The following RTL4 variants were observed in gnomAD, a reference collection of about 807,000 sequenced individuals.
The protein encoded by RTL4 is retrotransposon Gag-like protein 4.
A neutral mutation model predicts 5.3 loss-of-function variants in RTL4; 4 were observed. The observed-to-expected ratio is 0.75, with a 90% confidence interval of 0.37 to 1.72. The LOEUF (loss-of-function observed/expected upper bound fraction) is 1.72, where lower values mean the gene tolerates loss of function less well. Ranked by LOEUF, RTL4 falls within the 40% of genes most tolerant of loss-of-function variation. The pLI is 0.04. For synonymous variants in RTL4, 98 were observed against 87.3 expected (o/e 1.12, Z -0.68); for missense variants, 260 against 227.1 (o/e 1.14, Z -0.93).
the RTL4 span, among the ~76,000 whole-genome samples, chrX:112,109,090 T>G: frequency 8.9e-6 from 1 of 112,096 alleles, no homozygotes; most frequent in African/African-American, 3.2e-5. Context: ...CTCTCTTTAA[T>G]GTGTCTTTTC....
chrX:112,191,029 T>C, the RTL4 span, among the ~76,000 whole-genome samples: 1 of 112,567 alleles, frequency 8.9e-6, no homozygotes, highest in Non-Finnish European at 1.9e-5. Flanking sequence ...CCTGGCAAAA[T>C]GCCATAATAC....
chrX:112,241,144 T>C, the RTL4 span, among the ~76,000 whole-genome samples: 1 of 111,552 alleles, frequency 9.0e-6, no homozygotes, highest in African/African-American at 3.3e-5. Context: ...GCATATGTCT[T>C]TATGGTATTT....
the RTL4 span, among the ~76,000 whole-genome samples, chrX:112,242,145 G>A: frequency 9.0e-6 from 1 of 111,670 alleles, no homozygotes; most frequent in East Asian, 2.8e-4. Flanking sequence ...CTCCAGCTTT[G>A]TTCTTTTTGC....
At chrX:112,359,584 G>A in the RTL4 span, among the ~76,000 whole-genome samples, 3 of 111,559 alleles carry the variant, frequency 2.7e-5, no homozygotes, top group Non-Finnish European at 5.7e-5. Flanking sequence ...CAATTAGGAA[G>A]TAGGTAACCT....
chrX:112,179,641 A>G, the RTL4 span, among the ~76,000 whole-genome samples: 4 of 112,430 alleles, frequency 3.6e-5, no homozygotes, highest in African/African-American at 1.3e-4. Context: ...TCATTTATTC[A>G]TCACATTTTT....
At chrX:112,172,552 G>A in the RTL4 span, among the ~76,000 whole-genome samples, 1 of 111,478 alleles carries the variant, frequency 9.0e-6, no homozygotes, top group African/African-American at 3.3e-5. Flanking sequence ...CACTGTCGGT[G>A]GGAATGTAAA....
At chrX:112,376,792 A>C in the RTL4 span, among the ~76,000 whole-genome samples, 1 of 112,211 alleles carries the variant, frequency 8.9e-6, no homozygotes, top group Non-Finnish European at 1.9e-5. Context: ...CATTCCTATC[A>C]AGGAGGATTA....
At chrX:112,182,847 A>G in the RTL4 span, among the ~76,000 whole-genome samples, 4 of 111,696 alleles carry the variant, frequency 3.6e-5, no homozygotes, top group Non-Finnish European at 5.6e-5. Flanking sequence ...AACAGCAACC[A>G]CAAGGCACAT....
the RTL4 span, among the ~76,000 whole-genome samples, chrX:112,364,092 G>C: frequency 8.9e-6 from 1 of 112,212 alleles, no homozygotes; most frequent in African/African-American, 3.2e-5. Context: ...GAATTGAATG[G>C]AATGGGAAGA....
the RTL4 span, among the ~76,000 whole-genome samples, chrX:112,174,776 A>G: frequency 1.0e-5 from 1 of 99,061 alleles, no homozygotes; most frequent in Non-Finnish European, 2.0e-5. Context: ...TTGCCATTCT[A>G]ACTGGTGTGA....
At chrX:112,246,577 G>C in the RTL4 span, among the ~76,000 whole-genome samples, 1 of 111,936 alleles carries the variant, frequency 8.9e-6, no homozygotes, top group African/African-American at 3.2e-5. Flanking sequence ...TGTTGGAAAA[G>C]CACAGTATTT....
the RTL4 span, among the ~76,000 whole-genome samples, chrX:112,382,700 C>T: frequency 8.9e-6 from 1 of 112,018 alleles, no homozygotes; most frequent in Non-Finnish European, 1.9e-5. Flanking sequence ...CAGACAAAAG[C>T]AGTTTTTATA....
chrX:112,110,313 G>T, the RTL4 span, among the ~76,000 whole-genome samples: 1 of 112,043 alleles, frequency 8.9e-6, no homozygotes, highest in African/African-American at 3.2e-5. Context: ...ATTTGGGATT[G>T]TAGAGTAAGA....
the RTL4 span, among the ~76,000 whole-genome samples, chrX:112,228,465 A>T: frequency 8.9e-6 from 1 of 112,742 alleles, no homozygotes; most frequent in East Asian, 2.8e-4. Flanking sequence ...CAGTGTGATT[A>T]TGTGTGAAAT....
At chrX:112,380,092 ACT>A in the RTL4 span, among the ~76,000 whole-genome samples, 1 of 110,316 alleles carries the variant, frequency 9.1e-6, no homozygotes, top group African/African-American at 3.3e-5. Context: ...TAGCCTTTTG[ACT>A]CTCACTTCTT....
At chrX:112,217,039 C>T in the RTL4 span, among the ~76,000 whole-genome samples, 1 of 111,926 alleles carries the variant, frequency 8.9e-6, no homozygotes, top group African/African-American at 3.3e-5. Context: ...GAAAAATAGA[C>T]ATTCCTTGGC....
chrX:112,095,087 A>C, the RTL4 span, among the ~76,000 whole-genome samples: 1 of 111,544 alleles, frequency 9.0e-6, no homozygotes, highest in Non-Finnish European at 1.9e-5. Context: ...ATATGATGGC[A>C]TCAAGAAAAA....
chrX:112,339,851 A>C, the RTL4 span, among the ~76,000 whole-genome samples: 1,721 of 112,686 alleles, frequency 0.015, 29 homozygotes, highest in African/African-American at 0.052. Flanking sequence ...GCTTTGTAGG[A>C]TATATGGTCT....
the RTL4 span, among the ~76,000 whole-genome samples, chrX:112,313,878 C>T: frequency 2.7e-4 from 30 of 110,628 alleles, no homozygotes; most frequent in East Asian, 7.1e-3. Context: ...GGCAAAGAGG[C>T]TGAGGAGTTG....
Sources: allele counts gnomAD v4.1 joint callset (sites outside exome capture counted in the v4.1 genomes callset), GRCh38; gene constraint gnomAD v4.1.1; transcripts MANE v1.5; gene names NCBI Gene and HGNC (gene_info 2026-07-23, HGNC 2026-07-21).